HACE1: variants seen among roughly 807,000 people sequenced by gnomAD.
HACE1 encodes the protein HECT domain and ankyrin repeat containing E3 ubiquitin protein ligase 1, also known as E3 ubiquitin-protein ligase HACE1.
HACE1 carries 73 observed loss-of-function variants against 118.4 expected under a neutral mutation model. The observed-to-expected ratio is 0.62, with a 90% CI of 0.51 to 0.75. The LOEUF (loss-of-function observed/expected upper bound fraction) is 0.75. Ranked by LOEUF, HACE1 falls within the 30% of genes least tolerant of loss-of-function variation. The pLI, the probability that HACE1 is intolerant of heterozygous loss-of-function variation, is 0.00. For missense variants in HACE1, 749 were observed against 1,102.2 expected (o/e 0.68, Z 4.54); for synonymous variants, 368 against 374.8 (o/e 0.98, Z 0.21).
chr6:104,858,648 A>G (rs1776990297), intron 1 of HACE1: 1 of 194,840 alleles, frequency 5.1e-6, no homozygotes, highest in Non-Finnish European at 1.1e-5. Context: ...CAATTCAAAG[A>G]GAGTTTTGAA....
rs540039211 is a variant in HACE1, at chr6:104,774,080, C to CTTTT, written c.1865-2010_1865-2007dup. Among the ~76,000 whole-genome samples the CTTTT allele has an allele frequency of 1.1e-4, 8 of 74,842 alleles. 1 individual carries two copies. Among genetic ancestry groups the CTTTT allele is most frequent in the Admixed American group, 1.6e-4 (1 of 6,444 alleles). The allele number at this position is 74,842 out of a possible 152,430, so 49.1% of individuals were successfully genotyped here. Reference sequence around the variant, plus strand: ...CAAAAAATAGGTTATCATCTTTTCTCTTTTTTTTTTTTTTTTTTTTTTTTT... The same window carrying CTTTT: ...CAAAAAATAGGTTATCATCTTTTCTCTTTTTTTTTTTTTTTTTTTTTTTTTTTTT... On this transcript the variant is annotated intron_variant, in intron 17 of 23. Coordinates refer to ENST00000262903, the MANE Select transcript of HACE1 (RefSeq NM_020771.4).
intron 14 of HACE1, chr6:104,782,463 GACAGGTA>G (rs1428820196): frequency 2.0e-5 from 3 of 152,106 alleles, no homozygotes; most frequent in Admixed American, 2.0e-4. Context: ...CAGCCTGAGT[GACAGGTA>G]AAACCCTGTG....
At chr6:104,767,347 T>C (rs1350354885) in intron 19 of HACE1, among the ~76,000 whole-genome samples, 1 of 152,132 alleles carries the variant, frequency 6.6e-6, no homozygotes, top group Non-Finnish European at 1.5e-5. Context: ...ATAAATTCTA[T>C]TATCCTCAAA....
intron 21 of HACE1, 103 bp downstream of exon 21, chr6:104,744,409 T>TTTACTTTGTTAA (rs1415862377): frequency 1.2e-6 from 1 of 835,612 alleles, no homozygotes; most frequent in East Asian, 2.5e-5. Flanking sequence ...GGGTAAACAC[T>TTTACTTTGTTAA]TTACTTTGTT....
chr6:104,815,225 G>A (rs1771992933), intron 6 of HACE1, among the ~76,000 whole-genome samples: 4 of 138,200 alleles, frequency 2.9e-5, no homozygotes, highest in Admixed American at 2.1e-4. Context: ...ATCTCAGATG[G>A]AGATGAGGAA....
At chr6:104,843,683 T>C (rs1437893597) in intron 4 of HACE1, among the ~76,000 whole-genome samples, 8 of 152,212 alleles carry the variant, frequency 5.3e-5, no homozygotes, top group Admixed American at 5.2e-4. Context: ...CATTGTATCC[T>C]ACATTCTTGA....
chr6:104,810,264 AC>A (rs1447311292), intron 7 of HACE1, among the ~76,000 whole-genome samples: 1 of 152,054 alleles, frequency 6.6e-6, no homozygotes, highest in Non-Finnish European at 1.5e-5. Context: ...AAGTCTAGAA[AC>A]CCAGAAGCCC....
intron 19 of HACE1, among the ~76,000 whole-genome samples, chr6:104,750,755 C>T (rs1777954395): frequency 1.3e-5 from 2 of 152,144 alleles, no homozygotes; most frequent in African/African-American, 4.8e-5. Flanking sequence ...ACCTCCATTT[C>T]AGCACCCCAG....
intron 7 of HACE1, among the ~76,000 whole-genome samples, chr6:104,809,194 T>G (rs1380958354): frequency 3.9e-5 from 6 of 152,122 alleles, no homozygotes; most frequent in African/African-American, 1.4e-4. Flanking sequence ...AGTGGTAAAA[T>G]AAACACTATT....
At chr6:104,772,132 T>TCTTA in intron 17 of HACE1, 58 bp from the exon 18 acceptor site, 1 of 964,554 alleles carries the variant, frequency 1.0e-6, no homozygotes, top group Non-Finnish European at 1.6e-6. Context: ...GAAGAAAGAT[T>TCTTA]ACTTCGATGC....
intron 20 of HACE1, among the ~76,000 whole-genome samples, chr6:104,749,634 G>A (rs929874789): frequency 2.0e-5 from 3 of 151,970 alleles, no homozygotes; most frequent in African/African-American, 7.2e-5. Context: ...TAAGAAAGCA[G>A]CTATATGCTA....
chr6:104,856,699 T>G (rs989987603), intron 1 of HACE1, among the ~76,000 whole-genome samples: 6 of 152,180 alleles, frequency 3.9e-5, no homozygotes, highest in Non-Finnish European at 8.8e-5. Context: ...CCTCCCAAAG[T>G]GCTGGGATTA....
chr6:104,809,493 G>A (rs559366157), intron 7 of HACE1, among the ~76,000 whole-genome samples: 102 of 152,184 alleles, frequency 6.7e-4, no homozygotes, highest in African/African-American at 2.2e-3. Flanking sequence ...TTTAAGGAAC[G>A]CAAAGAGAAT....
chr6:104,839,447 T>A (rs536863727), intron 5 of HACE1, among the ~76,000 whole-genome samples: 12 of 152,312 alleles, frequency 7.9e-5, no homozygotes, highest in African/African-American at 2.4e-4. Context: ...TATAGTTCTA[T>A]CTCTGTAACA....
chr6:104,817,213 G>A (rs931003767), intron 6 of HACE1, among the ~76,000 whole-genome samples: 1 of 152,156 alleles, frequency 6.6e-6, no homozygotes, highest in Non-Finnish European at 1.5e-5. Context: ...TTTGGGAGGG[G>A]TTAGGGGTGG....
chr6:104,782,624 A>G (rs1356189090), intron 14 of HACE1, among the ~76,000 whole-genome samples: 1 of 152,244 alleles, frequency 6.6e-6, no homozygotes, highest in Admixed American at 6.5e-5. Flanking sequence ...AAGAGTAGCC[A>G]TCTTATACAA....
rs142237732 is a variant in HACE1 at position 104,730,308 on chromosome 6, G to A, written c.2622C>T (p.Ser874=). 2.2e-5 allele frequency: 31 copies of A among 1,423,956 alleles called. No homozygotes were observed. Among genetic ancestry groups the A allele is most frequent in the Non-Finnish European group, 3.0e-5 (30 of 1,006,254 alleles). The allele number at this position is 1,423,956 out of a possible 1,614,324, so 88.2% of individuals were successfully genotyped here. The change falls in exon 23 of 24, where the codon AGC becomes AGT. Residue 874 remains serine (S), a synonymous_variant. Coordinates refer to ENST00000262903, the MANE Select transcript of HACE1 (RefSeq NM_020771.4). ...AATAAACCAAGTCAACATACCATGT[G>A]CTTGAAGTTGGTAAAAGATTTGGAG... is the stretch of plus-strand genomic sequence containing the variant. ...PYTPNLLPTS[S]TCINMLKLPE... is the part of the protein sequence containing the mutation.
At chr6:104,740,555 T>C (rs2114474012) in intron 22 of HACE1, among the ~76,000 whole-genome samples, 1 of 151,910 alleles carries the variant, frequency 6.6e-6, no homozygotes, top group Admixed American at 6.5e-5. Flanking sequence ...AACTAGAAAA[T>C]CTAGAAGAAA....
chr6:104,773,301 G>A (rs1780840658), intron 17 of HACE1, among the ~76,000 whole-genome samples: 1 of 152,050 alleles, frequency 6.6e-6, no homozygotes, highest in South Asian at 2.1e-4. Context: ...ATTGGAAAGT[G>A]AAATCTTTAG....
Sources: gnomAD v4.1 joint callset for allele counts (sites outside exome capture counted in the v4.1 genomes callset) on GRCh38, gnomAD v4.1.1 for gene constraint, MANE v1.5 for transcripts, NCBI Gene and HGNC (gene_info 2026-07-23, HGNC 2026-07-21) for gene names.